The following CCDC172 variants were observed in gnomAD, a reference collection of about 807,000 sequenced individuals.
CCDC172 encodes coiled-coil domain containing 172, also known as coiled-coil domain-containing protein 172.
In CCDC172, 30 loss-of-function variants were observed where a neutral mutation model predicts 38.0. That is an observed-to-expected ratio of 0.79 (90% CI 0.59 to 1.07). CCDC172 has a LOEUF of 1.07. Among genes scored for constraint, CCDC172 ranks in the 50% least tolerant of loss-of-function variants. The probability of loss-of-function intolerance (pLI) is 0.00; values close to 1 mark genes in which losing one functional copy is unlikely to be tolerated. For missense variants in CCDC172, 297 were observed against 290.1 expected (o/e 1.02, Z -0.17); for synonymous variants, 78 against 88.3 (o/e 0.88, Z 0.66).
chr10:116,346,149 G>A (rs1038214685), intron 5 of CCDC172, among the ~76,000 whole-genome samples: 23 of 151,856 alleles, frequency 1.5e-4, no homozygotes, highest in Admixed American at 5.9e-4. Flanking sequence ...AAAATTAGCC[G>A]GGCGTGGTGT....
At chr10:116,341,116 G>A (rs558577328) in intron 4 of CCDC172, among the ~76,000 whole-genome samples, 1 of 152,080 alleles carries the variant, frequency 6.6e-6, no homozygotes, top group Admixed American at 6.5e-5. Flanking sequence ...AATTGCTCAA[G>A]CATTGAGACC....
intron 5 of CCDC172, among the ~76,000 whole-genome samples, chr10:116,349,520 A>G (rs1844906309): frequency 6.6e-6 from 1 of 151,952 alleles, no homozygotes; most frequent in Admixed American, 6.6e-5. Flanking sequence ...ATATTCTCTC[A>G]TTGCCCTCTG....
chr10:116,366,904 TACGTA>T (rs1216629081), intron 7 of CCDC172, among the ~76,000 whole-genome samples: 1 of 152,244 alleles, frequency 6.6e-6, no homozygotes, highest in Non-Finnish European at 1.5e-5. Flanking sequence ...TTGTCCTGAC[TACGTA>T]TATGGTTGAG....
In CCDC172 at chr10:116,364,311, T is replaced by A. The variant is rs117895247; in HGVS notation, c.653+6373T>A. 3.4e-3 allele frequency among the ~76,000 whole-genome samples: 515 copies of A among 152,278 alleles called. 1 individual carries two copies. Among genetic ancestry groups the A allele is most frequent in the Admixed American group, 6.6e-3 (101 of 15,298 alleles). On this transcript the variant is annotated intron_variant, in intron 7 of 8. Transcript: ENST00000333254. ...ATCATAATCAAAATTGGCAAGTGTGTGCTGCAGAGATGACTTATACATGGC... is the reference window on the plus strand; with the variant it reads ...ATCATAATCAAAATTGGCAAGTGTGAGCTGCAGAGATGACTTATACATGGC...
chr10:116,360,676 A>T (rs1347822337), intron 7 of CCDC172, among the ~76,000 whole-genome samples: 1 of 152,096 alleles, frequency 6.6e-6, no homozygotes, highest in African/African-American at 2.4e-5. Flanking sequence ...CAAACTGGGA[A>T]ATGTGGAGCC....
chr10:116,348,849 G>T (rs1471848441), intron 5 of CCDC172, among the ~76,000 whole-genome samples: 1 of 152,006 alleles, frequency 6.6e-6, no homozygotes, highest in Non-Finnish European at 1.5e-5. Context: ...GTTCTATTTG[G>T]AATACTTTTT....
Position 116,340,866 on chromosome 10 carries a change from C to A in CCDC172, c.282+16C>A. ...TCAAACCTTTGTAAGTTTCCAGCCA[C>A]CTAGAAAAATCTATTTCACTAATAT... On this transcript the variant is annotated intron_variant, in intron 4 of 8. Transcript: ENST00000333254. 7.7e-7 allele frequency: 1 copy of A among 1,301,000 alleles called. No homozygotes were observed. Among genetic ancestry groups the A allele is most frequent in the Non-Finnish European group, 1.1e-6 (1 of 904,606 alleles). The allele number at this position is 1,301,000 out of a possible 1,614,324, so 80.6% of individuals were successfully genotyped here.
intron 5 of CCDC172, among the ~76,000 whole-genome samples, chr10:116,350,842 G>A (rs896596320): frequency 6.6e-6 from 1 of 152,048 alleles, no homozygotes; most frequent in African/African-American, 2.4e-5. Context: ...TGGGTTTTAG[G>A]CCGTGGAAGA....
intron 7 of CCDC172, among the ~76,000 whole-genome samples, chr10:116,368,582 G>C (rs1286995013): frequency 8.6e-5 from 13 of 151,812 alleles, no homozygotes; most frequent in Non-Finnish European, 1.5e-5. Context: ...TTCTGTGTGG[G>C]TTTTTAAAAA....
chr10:116,343,294 C>T (rs1844818224), intron 5 of CCDC172, among the ~76,000 whole-genome samples: 1 of 152,084 alleles, frequency 6.6e-6, no homozygotes, highest in African/African-American at 2.4e-5. Context: ...CCTTCATATT[C>T]CCAATATACT....
At chr10:116,349,115 A>T (rs1258699184) in intron 5 of CCDC172, among the ~76,000 whole-genome samples, 2 of 152,084 alleles carry the variant, frequency 1.3e-5, no homozygotes, top group East Asian at 3.9e-4. Flanking sequence ...CATGCTCCTT[A>T]TGAGAATCTA....
chr10:116,372,872 G>A (rs1429592444), intron 7 of CCDC172, among the ~76,000 whole-genome samples: 1 of 152,102 alleles, frequency 6.6e-6, no homozygotes, highest in East Asian at 1.9e-4. Context: ...CAGAAGACAA[G>A]GGAATGACAT....
chr10:116,360,865 A>G (rs1233891062), intron 7 of CCDC172, among the ~76,000 whole-genome samples: 1 of 152,076 alleles, frequency 6.6e-6, no homozygotes, highest in Non-Finnish European at 1.5e-5. Context: ...GGGGTTTGAT[A>G]TTAGCAAACC....
At chr10:116,364,787 A>G (rs1178290931) in intron 7 of CCDC172, among the ~76,000 whole-genome samples, 2 of 152,214 alleles carry the variant, frequency 1.3e-5, no homozygotes, top group Admixed American at 1.3e-4. Flanking sequence ...ACAGCATTGC[A>G]TTTGAGCACT....
At chr10:116,368,125 G>C (rs961448660) in intron 7 of CCDC172, among the ~76,000 whole-genome samples, 2 of 152,060 alleles carry the variant, frequency 1.3e-5, no homozygotes, top group South Asian at 2.1e-4. Context: ...TTCATTTTTG[G>C]TAATGTTAAG....
chr10:116,357,698 A>G, intron 6 of CCDC172, 138 bp from the exon 7 acceptor site: 1 of 675,122 alleles, frequency 1.5e-6, no homozygotes, highest in Non-Finnish European at 2.4e-6. Context: ...TTGCTATATT[A>G]AAGTAGAAAA....
At chr10:116,364,765 A>T (rs1845103756) in intron 7 of CCDC172, among the ~76,000 whole-genome samples, 1 of 152,184 alleles carries the variant, frequency 6.6e-6, no homozygotes, top group African/African-American at 2.4e-5. Context: ...AATGAAATAT[A>T]CATAAATTTT....
chr10:116,359,611 G>C (rs1845039699), intron 7 of CCDC172, among the ~76,000 whole-genome samples: 1 of 152,116 alleles, frequency 6.6e-6, no homozygotes, highest in African/African-American at 2.4e-5. Context: ...AATGTCTCCA[G>C]ACATTGCAAA....
chr10:116,356,579 A>G (rs1159834320), intron 5 of CCDC172, among the ~76,000 whole-genome samples: 4 of 152,280 alleles, frequency 2.6e-5, no homozygotes, highest in Non-Finnish European at 5.9e-5. Context: ...ACATAAAAGA[A>G]TCTAATAAAA....
Sources: allele counts gnomAD v4.1 joint callset (sites outside exome capture counted in the v4.1 genomes callset), GRCh38; gene constraint gnomAD v4.1.1; transcripts MANE v1.5; gene names NCBI Gene and HGNC (gene_info 2026-07-23, HGNC 2026-07-21).